Variants in LRRC57 observed in about 807,000 individuals in gnomAD.
LRRC57 encodes leucine rich repeat containing 57, also known as leucine-rich repeat-containing protein 57.
LRRC57 carries 14 observed loss-of-function variants against 23.1 expected under a neutral mutation model. That is an observed-to-expected ratio of 0.61 (90% CI 0.40 to 0.95). The LOEUF is 0.95. Among genes scored for constraint, LRRC57 ranks in the 40% least tolerant of loss-of-function variants. The probability of loss-of-function intolerance (pLI) is 0.00; values close to 1 mark genes in which losing one functional copy is unlikely to be tolerated. For missense variants in LRRC57, 236 were observed against 284.4 expected, an observed-to-expected ratio of 0.83 and a Z score of 1.22; for synonymous variants, 106 against 115.2, an observed-to-expected ratio of 0.92 and a Z score of 0.51.
chr15:42,534,672 A>T (rs192409653), downstream of LRRC57, among the ~76,000 whole-genome samples: 1 of 152,214 alleles, frequency 6.6e-6, no homozygotes, highest in African/African-American at 2.4e-5. Context: ...TGACTCTTTG[A>T]TCCAAGGGCT....
At chr15:42,530,878 C>T in the LRRC57 span, among the ~76,000 whole-genome samples, 1 of 152,182 alleles carries the variant, frequency 6.6e-6, no homozygotes, top group African/African-American at 2.4e-5. Context: ...TCACAAGATG[C>T]TTTAAATGCT....
intron 2 of LRRC57, 22 bp downstream of exon 2, chr15:42,548,329 G>A: frequency 6.2e-7 from 1 of 1,614,116 alleles, no homozygotes; most frequent in African/African-American, 1.3e-5. Context: ...AAGTTCCCTG[G>A]TCGTGTCCCT....
downstream of LRRC57, among the ~76,000 whole-genome samples, chr15:42,534,192 G>A (rs1040667491): frequency 3.3e-5 from 5 of 152,112 alleles, no homozygotes; most frequent in South Asian, 2.1e-4. Flanking sequence ...GTGCAGTGGC[G>A]TGATCTGGGC....
At position 42,540,640 on chromosome 15, in the gene LRRC57, G is replaced by A. The variant is rs1270840079; in HGVS notation, c.*3443C>T. On this transcript the variant is annotated 3_prime_UTR_variant, in exon 6 of 6. Coordinates refer to ENST00000397130, the MANE Select transcript of LRRC57 (RefSeq NM_153260.3). ...GAGTGAAGAAAGGGCAATAAGTCTA[G>A]GCCCAAATTGTGAAGGGTGGTAGTT... 6.6e-6 allele frequency: 1 copy of A among 152,204 alleles called. No homozygotes were observed. The allele number at this position is 152,204 out of a possible 1,614,324, so 9.4% of individuals were successfully genotyped here. A position where few individuals can be genotyped will look rare whatever the true frequency, so the allele number is the denominator to read the frequency against.
chr15:42,534,925 G>A (rs145174655), downstream of LRRC57, among the ~76,000 whole-genome samples: 2 of 152,328 alleles, frequency 1.3e-5, no homozygotes, highest in East Asian at 3.9e-4. Context: ...AGCACAGGTA[G>A]AGTAGACTTA....
At position 42,547,485 on chromosome 15, in the gene LRRC57, G is replaced by A. The variant is rs2057665492; in HGVS notation, c.268C>T (p.Leu90=). The change falls in exon 4 of 6, where the codon CTA becomes TTA. Residue 90 remains leucine, a synonymous_variant. Coordinates refer to ENST00000397130, the MANE Select transcript of LRRC57 (RefSeq NM_153260.3). ...EICNLKKLET[L]SLNNNHLREL... ...CTAAGGTGATTGTTGTTTAGGCTTA[G>A]CGTCTCTAGTTTTTTCAGATTGCAT... is the stretch of plus-strand genomic sequence containing the variant. 5 of 1,613,764 alleles carry A rather than the reference G, an allele frequency of 3.1e-6. No individual in the cohort carries two copies. The highest frequency in any genetic ancestry group is 4.2e-6 in the Non-Finnish European group (5 of 1,179,828).
downstream of LRRC57, among the ~76,000 whole-genome samples, chr15:42,533,685 T>C (rs1181511392): frequency 6.6e-6 from 1 of 152,234 alleles, no homozygotes; most frequent in Non-Finnish European, 1.5e-5. Flanking sequence ...TCACTCTAGC[T>C]GAAGTGACTG....
At chr15:42,544,842 C>CACACTACATATATATATATATATATA in intron 5 of LRRC57, among the ~76,000 whole-genome samples, 1 of 98,038 alleles carries the variant, frequency 1.0e-5, no homozygotes, top group African/African-American at 6.7e-5. Context: ...CACACACACA[C>CACACTACATATATATATATATATATA]TATATATATA....
In LRRC57 at chr15:42,544,074, T is replaced by C. The variant is rs765534296; in HGVS notation, c.*9A>G. On this transcript the variant is annotated 3_prime_UTR_variant, in exon 6 of 6. Transcript: ENST00000397130. ...GTATCCTGTAAGGTTTCCATAGTCCTGGAGAACTTCACGCAAACTTCTTCT... is the reference window on the plus strand; with the variant it reads ...GTATCCTGTAAGGTTTCCATAGTCCCGGAGAACTTCACGCAAACTTCTTCT... The C allele has an allele frequency of 2.5e-6, 4 of 1,612,714 alleles. No individual in the cohort carries two copies. Among genetic ancestry groups the C allele is most frequent in the Admixed American group, 1.7e-5 (1 of 59,924 alleles).
chr15:42,547,615 T>G, intron 3 of LRRC57, 86 bp from the exon 4 acceptor site: 1 of 1,218,688 alleles, frequency 8.2e-7, no homozygotes, highest in African/African-American at 1.5e-5. Flanking sequence ...TATGGCAGCC[T>G]GCTTCGCCTC....
At chr15:42,544,936 T>C in intron 5 of LRRC57, 141 bp downstream of exon 5, 1 of 593,252 alleles carries the variant, frequency 1.7e-6, no homozygotes, top group South Asian at 2.4e-5. Context: ...TACAATACCA[T>C]TCAGCCAATG....
the LRRC57 span, chr15:42,531,678 T>C: frequency 6.8e-6 from 3 of 440,504 alleles, no homozygotes; most frequent in African/African-American, 2.0e-5. Context: ...CCTTCTAGTA[T>C]TTTCTTTCTC....
the LRRC57 span, chr15:42,529,750 A>G: frequency 2.5e-6 from 4 of 1,614,160 alleles, no homozygotes; most frequent in Non-Finnish European, 3.4e-6. Flanking sequence ...GAAATCTAAA[A>G]GACATGGCCC....
In LRRC57 at chr15:42,548,721, C is replaced by G; in HGVS notation, c.-51G>C. On this transcript the variant is annotated 5_prime_UTR_variant, in exon 1 of 6. Transcript: ENST00000397130. ...CCACCGCTCAGCTGCCGTAAGGCTC[C>G]GCAGGTGAAGACCCAGGACCCGCAG... 3.1e-6 allele frequency: 2 copies of G among 643,326 alleles called. No homozygotes were observed. Among genetic ancestry groups the G allele is most frequent in the Non-Finnish European group, 5.3e-6 (2 of 375,328 alleles). The allele number at this position is 643,326 out of a possible 1,614,324, so 39.9% of individuals were successfully genotyped here. A position where few individuals can be genotyped will look rare whatever the true frequency, so the allele number is the denominator to read the frequency against.
chr15:42,544,842 C>A lies in LRRC57; in HGVS notation c.678+235G>T, dbSNP rs59776210. On this transcript the variant is annotated intron_variant, in intron 5 of 5. Coordinates refer to ENST00000397130, the MANE Select transcript of LRRC57 (RefSeq NM_153260.3). ...ACACACACACACACACACACACACACTATATATATATATATATCAAAAGAC... is the reference window on the plus strand; with the variant it reads ...ACACACACACACACACACACACACAATATATATATATATATATCAAAAGAC... Among the ~76,000 whole-genome samples, 507 of 98,016 alleles carry A rather than the reference C, an allele frequency of 5.2e-3. 21 individuals are homozygous for A. Among genetic ancestry groups the A allele is most frequent in the African/African-American group, 0.031 (461 of 15,034 alleles). 64.3% of individuals were successfully genotyped at this position (98,016 alleles called of 152,430 possible). A position where few individuals can be genotyped will look rare whatever the true frequency, so the allele number is the denominator to read the frequency against.
chr15:42,529,814 GA>G, the LRRC57 span: 1 of 1,611,270 alleles, frequency 6.2e-7, no homozygotes, highest in Non-Finnish European at 8.5e-7. Flanking sequence ...ACGAATCACA[GA>G]CAAGGTAAAA....
downstream of LRRC57, among the ~76,000 whole-genome samples, chr15:42,537,095 G>T (rs1433683676): frequency 6.6e-6 from 1 of 151,948 alleles, no homozygotes; most frequent in Non-Finnish European, 1.5e-5. Context: ...GTTGCACTTA[G>T]AATTAGCTTT....
rs1048849659 is a variant in LRRC57, at chr15:42,543,749, T to C, written c.*334A>G. ...AATCTCAAGCTGTGGTGTGGAGCTA[T>C]TCTGTTACCAGGCAGCACCCCCTCA... On this transcript the variant is annotated 3_prime_UTR_variant, in exon 6 of 6. Transcript: ENST00000397130. The C allele has an allele frequency of 1.6e-4, 39 of 239,460 alleles. No individual in the cohort carries two copies. Among genetic ancestry groups the C allele is most frequent in the Non-Finnish European group, 2.6e-4 (32 of 124,666 alleles). The allele number at this position is 239,460 out of a possible 1,614,324, so 14.8% of individuals were successfully genotyped here.
rs2057628937 is a variant in LRRC57 at position 42,541,459 on chromosome 15, G to A, written c.*2624C>T. ...GTGGAGGTTGCAGTGAGCCAAGATAGTGCTACTGCGCTCCAGTCTGGAATG... is the reference window on the plus strand; with the variant it reads ...GTGGAGGTTGCAGTGAGCCAAGATAATGCTACTGCGCTCCAGTCTGGAATG... On this transcript the variant is annotated 3_prime_UTR_variant, in exon 6 of 6. Coordinates refer to ENST00000397130, the MANE Select transcript of LRRC57 (RefSeq NM_153260.3). 6.6e-6 allele frequency: 1 copy of A among 152,178 alleles called. No homozygotes were observed. The highest frequency in any genetic ancestry group is 2.4e-5 in the African/African-American group (1 of 41,440). The allele number at this position is 152,178 out of a possible 1,614,324, so 9.4% of individuals were successfully genotyped here.
Sources: gnomAD v4.1 joint callset for allele counts (sites outside exome capture counted in the v4.1 genomes callset) on GRCh38, gnomAD v4.1.1 for gene constraint, MANE v1.5 for transcripts, NCBI Gene and HGNC (gene_info 2026-07-23, HGNC 2026-07-21) for gene names.